Variants in MRPS9 observed in about 807,000 individuals in gnomAD.
The protein encoded by MRPS9 is small ribosomal subunit protein uS9m.
In MRPS9, 45 loss-of-function variants were observed where a neutral mutation model predicts 59.9. That is an observed-to-expected ratio of 0.75 (90% CI 0.59 to 0.96). MRPS9 has a LOEUF of 0.96. Among genes scored for constraint, MRPS9 ranks in the 40% least tolerant of loss-of-function variants. MRPS9 has a pLI of 0.00. For synonymous variants in MRPS9, 171 were observed against 166.8 expected (o/e 1.03, Z -0.19); for missense variants, 473 against 481.1 (o/e 0.98, Z 0.16).
intron 9 of MRPS9, 158 bp from the exon 10 acceptor site, chr2:105,096,997 G>A (rs1000138528): frequency 3.0e-6 from 2 of 666,140 alleles, no homozygotes; most frequent in Middle Eastern, 8.1e-4. Context: ...AAATGTTAGT[G>A]TTTCTATATC....
chr2:105,081,013 T>C (rs1256530987), intron 5 of MRPS9, among the ~76,000 whole-genome samples: 1 of 152,224 alleles, frequency 6.6e-6, no homozygotes, highest in Non-Finnish European at 1.5e-5. Context: ...AGTGTGTCTT[T>C]GCTGAGTAAT....
chr2:105,051,193 C>G (rs779845547), intron 2 of MRPS9, among the ~76,000 whole-genome samples: 1 of 152,038 alleles, frequency 6.6e-6, no homozygotes, highest in Non-Finnish European at 1.5e-5. Flanking sequence ...ACATTTAGGT[C>G]TTTGATCCAT....
At chr2:105,087,501 T>C (rs941849200) in intron 5 of MRPS9, among the ~76,000 whole-genome samples, 1 of 152,192 alleles carries the variant, frequency 6.6e-6, no homozygotes, top group African/African-American at 2.4e-5. Context: ...TTTTGAGATA[T>C]TCATGTCTAC....
chr2:105,080,009 C>G lies in MRPS9; in HGVS notation c.436C>G (p.Pro146Ala). ...RAIQWGEDGR[P>A]FHYLFYTGKQ... is the part of the protein sequence containing the mutation. Reference sequence around the variant, plus strand: ...AATCCAGTGGGGAGAAGATGGCCGTCCATTTCACTATCTCTTCTATACTGG... The same window carrying G: ...AATCCAGTGGGGAGAAGATGGCCGTGCATTTCACTATCTCTTCTATACTGG... The change falls in exon 5 of 11, where the codon CCA (proline) becomes GCA (alanine). Residue 146 changes from proline to alanine, a missense_variant. Physicochemically the swap from Pro to Ala is conservative, Grantham distance 27. Transcript: ENST00000258455. 1 of 1,611,556 alleles carries G rather than the reference C, an allele frequency of 6.2e-7. No homozygotes were observed. The highest frequency in any genetic ancestry group is 8.5e-7 in the Non-Finnish European group (1 of 1,178,882).
intron 2 of MRPS9, 145 bp downstream of exon 2, chr2:105,049,495 G>A: frequency 1.4e-6 from 1 of 698,106 alleles, no homozygotes; most frequent in Middle Eastern, 4.1e-4. Flanking sequence ...TTAAGTTGGA[G>A]CCATGGTTTC....
intron 6 of MRPS9, among the ~76,000 whole-genome samples, chr2:105,089,515 G>T (rs539443905): frequency 6.6e-6 from 1 of 152,158 alleles, no homozygotes; most frequent in Non-Finnish European, 1.5e-5. Context: ...CATAAAGGAA[G>T]AACACCTTGT....
chr2:105,064,810 C>A (rs566316328), intron 2 of MRPS9, among the ~76,000 whole-genome samples: 1 of 152,206 alleles, frequency 6.6e-6, no homozygotes, highest in Non-Finnish European at 1.5e-5. Flanking sequence ...AGTAGAACAA[C>A]AGTATTCCAG....
chr2:105,066,341 G>C (rs573908926), intron 2 of MRPS9, among the ~76,000 whole-genome samples: 1 of 152,130 alleles, frequency 6.6e-6, no homozygotes, highest in Non-Finnish European at 1.5e-5. Flanking sequence ...AATTTTTAAA[G>C]GCAAAGACAC....
At chr2:105,094,586 G>T (rs1051829444) in intron 9 of MRPS9, among the ~76,000 whole-genome samples, 3 of 152,140 alleles carry the variant, frequency 2.0e-5, no homozygotes, top group Non-Finnish European at 4.4e-5. Flanking sequence ...TAAGCTTCTG[G>T]ACACAATAAT....
chr2:105,064,390 T>G (rs541475685), intron 2 of MRPS9, among the ~76,000 whole-genome samples: 8 of 152,032 alleles, frequency 5.3e-5, no homozygotes, highest in South Asian at 2.1e-4. Context: ...CAGTGGGTAC[T>G]TCAGGGAGTG....
chr2:105,095,589 C>G (rs547975768), intron 9 of MRPS9, among the ~76,000 whole-genome samples: 1 of 151,454 alleles, frequency 6.6e-6, no homozygotes, highest in Admixed American at 6.6e-5. Context: ...CCTCCGCCTC[C>G]TGGGTTCAAG....
At chr2:105,061,105 G>C (rs1284862026) in intron 2 of MRPS9, among the ~76,000 whole-genome samples, 15 of 51,992 alleles carry the variant, frequency 2.9e-4, no homozygotes, top group African/African-American at 1.3e-3. Flanking sequence ...GCAGGACTCT[G>C]TCTCAAAAAA....
At chr2:105,049,553 A>T (rs1354059153) in intron 2 of MRPS9, among the ~76,000 whole-genome samples, 4 of 152,188 alleles carry the variant, frequency 2.6e-5, no homozygotes, top group Non-Finnish European at 4.4e-5. Flanking sequence ...TTTAGGTGTT[A>T]CCTAGAAATG....
chr2:105,059,163 A>G (rs1279369469), intron 2 of MRPS9, among the ~76,000 whole-genome samples: 1 of 151,876 alleles, frequency 6.6e-6, no homozygotes, highest in Non-Finnish European at 1.5e-5. Flanking sequence ...TGAAACACCT[A>G]ACAACTTTGC....
At position 105,092,409 on chromosome 2, in the gene MRPS9, G is replaced by T. The variant is rs1306379695; in HGVS notation, c.660G>T (p.Gln220His). 6.2e-7 allele frequency: 1 copy of T among 1,610,642 alleles called. No individual in the cohort carries two copies. The change falls in exon 8 of 11, where the codon CAG becomes CAT. Residue 220 changes from glutamine to histidine, a missense_variant. By Grantham distance (24) the Gln-to-His change is conservative. Coordinates refer to ENST00000258455, the MANE Select transcript of MRPS9 (RefSeq NM_182640.3). ...VEKLSDLDYM[Q>H]FIRLLEKLLT... ...ATTTTTATTGTCTGCAGTATATGCA[G>T]TTCATTCGGCTGCTAGAAAAGTTAT...
intron 2 of MRPS9, among the ~76,000 whole-genome samples, chr2:105,064,843 G>C (rs1484065587): frequency 6.6e-6 from 1 of 152,212 alleles, no homozygotes; most frequent in Non-Finnish European, 1.5e-5. Context: ...ATTTGCAAAG[G>C]CATTTGTTTA....
At chr2:105,082,512 A>G (rs1238291919) in intron 5 of MRPS9, among the ~76,000 whole-genome samples, 2 of 152,212 alleles carry the variant, frequency 1.3e-5, no homozygotes, top group Non-Finnish European at 1.5e-5. Context: ...TTAATAAAAG[A>G]TGGCCCTGAT....
At chr2:105,070,851 A>C (rs938474734) in intron 2 of MRPS9, among the ~76,000 whole-genome samples, 2 of 152,250 alleles carry the variant, frequency 1.3e-5, no homozygotes, top group African/African-American at 4.8e-5. Context: ...TTGTTTGGAA[A>C]GAGTGTAGTT....
intron 7 of MRPS9, chr2:105,091,265 A>G (rs1437612595): frequency 1.5e-5 from 7 of 470,784 alleles, no homozygotes; most frequent in Admixed American, 9.4e-5. Flanking sequence ...GTGGTCAGTG[A>G]CTTCTTGACC....
Sources: gnomAD v4.1 joint callset for allele counts (sites outside exome capture counted in the v4.1 genomes callset) on GRCh38, gnomAD v4.1.1 for gene constraint, MANE v1.5 for transcripts, NCBI Gene and HGNC (gene_info 2026-07-23, HGNC 2026-07-21) for gene names.